The following GRIK5 variants were observed in gnomAD, a reference collection of about 807,000 sequenced individuals.
The protein encoded by GRIK5 is glutamate receptor ionotropic, kainate 5.
GRIK5 carries 43 observed loss-of-function variants against 97.4 expected under a neutral mutation model. The observed-to-expected ratio is 0.44, with a 90% confidence interval of 0.35 to 0.57. The LOEUF (loss-of-function observed/expected upper bound fraction) is 0.57. Among genes scored for constraint, GRIK5 ranks in the 20% least tolerant of loss-of-function variants. The pLI, the probability that GRIK5 is intolerant of heterozygous loss-of-function variation, is 0.01. For synonymous variants in GRIK5, 580 were observed against 583.5 expected, an observed-to-expected ratio of 0.99 and a Z score of 0.09; for missense variants, 1,015 against 1,382.0, an observed-to-expected ratio of 0.73 and a Z score of 4.21.
intron 12 of GRIK5, among the ~76,000 whole-genome samples, chr19:42,040,791 T>G (rs1174422139): frequency 6.6e-6 from 1 of 151,752 alleles, no homozygotes; most frequent in African/African-American, 2.4e-5. Context: ...GAGGTGGAGG[T>G]TGCAGGGAGG....
At position 42,033,335 on chromosome 19, in the gene GRIK5, A is replaced by C. The variant is rs530281381; in HGVS notation, c.1473+9217T>G. Among the ~76,000 whole-genome samples, 22 of 151,948 alleles carry C rather than the reference A, an allele frequency of 1.4e-4. No homozygotes were observed. The East Asian group carries it at 1.7e-3, about 12-fold the overall frequency. On this transcript the variant is annotated intron_variant, in intron 12 of 19. Transcript: ENST00000593562. ...TCCGTCTCAAAAAAAAAAAAAAAAA[A>C]AAAACGGAATGCAGTACTGGTATAT...
In GRIK5 at chr19:42,069,670, C is replaced by T. The variant is rs1018446973; in HGVS notation, c.-480G>A. Among the ~76,000 whole-genome samples the T allele has an allele frequency of 5.7e-5, 7 of 122,830 alleles. No homozygotes were observed. The highest frequency in any genetic ancestry group is 1.2e-4 in the Non-Finnish European group (7 of 60,542). The allele number at this position is 122,830 out of a possible 152,430, so 80.6% of individuals were successfully genotyped here. On this transcript the variant is annotated 5_prime_UTR_variant, in exon 1 of 20. Transcript: ENST00000593562. Reference sequence around the variant, plus strand: ...GCCGGCCTGGGGGGGCCACAGGGGGCGAGGACTGGGTGGAGAAAAGGAAGC... The same window carrying T: ...GCCGGCCTGGGGGGGCCACAGGGGGTGAGGACTGGGTGGAGAAAAGGAAGC...
In GRIK5 at chr19:42,021,894, C is replaced by G. The variant is rs2075702995; in HGVS notation, c.1697+53G>C. 7 of 1,234,796 alleles carry G rather than the reference C, an allele frequency of 5.7e-6. No individual in the cohort carries two copies. In the East Asian group the frequency reaches 1.7e-4, roughly 30 times the overall value. 76.5% of individuals were successfully genotyped at this position (1,234,796 alleles called of 1,614,324 possible). ...AGAAGAGGCAGGTCGGTCCCAGAGG[C>G]CTCGGCTCGTGCCTCCTCCAGCCCC... On this transcript the variant is annotated intron_variant, in intron 14 of 19. Coordinates refer to ENST00000593562, the MANE Select transcript of GRIK5 (RefSeq NM_002088.5). The surrounding 1 kb of genome is among the most constrained non-coding windows in gnomAD (Gnocchi z 4.2).
chr19:42,026,416 CCTGT>C (rs1056961910), intron 12 of GRIK5, among the ~76,000 whole-genome samples: 1 of 151,728 alleles, frequency 6.6e-6, no homozygotes, highest in African/African-American at 2.4e-5. Flanking sequence ...TGCCACCACA[CCTGT>C]CTAATATTTT....
chr19:42,010,983 T>G (rs1331821843), intron 15 of GRIK5, among the ~76,000 whole-genome samples: 1 of 151,904 alleles, frequency 6.6e-6, no homozygotes, highest in East Asian at 2.0e-4. Flanking sequence ...TGTTTCTTAG[T>G]TTTTGTAGAG....
In GRIK5 at chr19:42,002,457, C is replaced by CA. The variant is rs1555871198; in HGVS notation, c.2514+874dup. 1 of 717,610 alleles carries CA rather than the reference C, an allele frequency of 1.4e-6. No individual in the cohort carries two copies. Among genetic ancestry groups the CA allele is most frequent in the Non-Finnish European group, 2.6e-6 (1 of 385,070 alleles). The allele number at this position is 717,610 out of a possible 1,614,324, so 44.5% of individuals were successfully genotyped here. ...AGGCAACCTGGACACGGGTGGAGGG[C>CA]ACCTTTACTAGCAGCATGGACGGCT... On this transcript the variant is annotated intron_variant, in intron 19 of 19. Coordinates refer to ENST00000593562, the MANE Select transcript of GRIK5 (RefSeq NM_002088.5). This position sits in a 1 kb window ranked among gnomAD's most constrained non-coding sequence, Gnocchi z 5.2.
Position 41,998,816 on chromosome 19 carries a change from G to C in GRIK5, c.*55C>G. The stretch of plus-strand genomic sequence containing the variant: ...GCGGGAGCGGAGACTGCTGGGGCCT[G>C]GGGCGGGCCCCGTCCCTTCGGTCAG... On this transcript the variant is annotated 3_prime_UTR_variant, in exon 20 of 20. Coordinates refer to ENST00000593562, the MANE Select transcript of GRIK5 (RefSeq NM_002088.5). 1 of 931,424 alleles carries C rather than the reference G, an allele frequency of 1.1e-6. No homozygotes were observed. 57.7% of individuals were successfully genotyped at this position (931,424 alleles called of 1,614,324 possible).
At chr19:42,005,570 C>T (rs1255687433) in intron 17 of GRIK5, among the ~76,000 whole-genome samples, 153 bp downstream of exon 17, 2 of 152,186 alleles carry the variant, frequency 1.3e-5, no homozygotes, top group Non-Finnish European at 2.9e-5. Context: ...AGGCTCAGGA[C>T]GGTGATGTCG....
At position 42,065,717 on chromosome 19, in the gene GRIK5, G is replaced by C. The variant is rs2146188771; in HGVS notation, c.54C>G (p.Cys18Trp). 3 of 1,596,298 alleles carry C rather than the reference G, an allele frequency of 1.9e-6. No homozygotes were observed. The highest frequency in any genetic ancestry group is 1.7e-6 in the Non-Finnish European group (2 of 1,172,910). ...LLIVAFASPS[C>W]QVLSSLRMAA... ...CCATGCGCAGTGATGAGAGCACCTGGCAGCTGGGGCTGGCGAAGGCAACAA... is the reference window on the plus strand; with the variant it reads ...CCATGCGCAGTGATGAGAGCACCTGCCAGCTGGGGCTGGCGAAGGCAACAA... Residue 18 changes from cysteine to tryptophan, a missense_variant, in exon 2 of 20, where the codon TGC becomes TGG. Cys to Trp is a radical substitution (Grantham distance 215). Around this residue, in one of 5 missense-constraint regions of GRIK5, gnomAD observed 198 missense variants for 218.2 expected, o/e 0.91. Coordinates refer to ENST00000593562, the MANE Select transcript of GRIK5 (RefSeq NM_002088.5). The surrounding 1 kb of genome is among the most constrained non-coding windows in gnomAD (Gnocchi z 5.8).
rs2075497865 is a variant in GRIK5, at chr19:42,006,861, G to GC, written c.1872-52dup. On this transcript the variant is annotated intron_variant, in intron 15 of 19. Transcript: ENST00000593562. The surrounding 1 kb of genome is among the most constrained non-coding windows in gnomAD (Gnocchi z 5.3). ...GGGCTGGAGTCACCCCTGCTGACCT[G>GC]CCCCCGTGGCCATGCCCCCCATTGG... is the stretch of plus-strand genomic sequence containing the variant. 1 of 1,412,882 alleles carries GC rather than the reference G, an allele frequency of 7.1e-7. No homozygotes were observed. Among genetic ancestry groups the GC allele is most frequent in the Non-Finnish European group, 9.5e-7 (1 of 1,047,942 alleles). The allele number at this position is 1,412,882 out of a possible 1,614,324, so 87.5% of individuals were successfully genotyped here. A position where few individuals can be genotyped will look rare whatever the true frequency, so the allele number is the denominator to read the frequency against.
At chr19:42,040,769 G>A (rs1193541167) in intron 12 of GRIK5, among the ~76,000 whole-genome samples, 3 of 152,262 alleles carry the variant, frequency 2.0e-5, no homozygotes, top group Non-Finnish European at 4.4e-5. Context: ...CAGGAGAATC[G>A]CTTGAACCCG....
intron 8 of GRIK5, among the ~76,000 whole-genome samples, 153 bp downstream of exon 8, chr19:42,056,509 G>A (rs556619223): frequency 5.9e-5 from 9 of 152,230 alleles, no homozygotes; most frequent in African/African-American, 2.2e-4. Context: ...AGAGAGAGAG[G>A]AGGACATGGG....
intron 11 of GRIK5, among the ~76,000 whole-genome samples, chr19:42,053,401 A>G (rs1262531063): frequency 2.0e-5 from 3 of 152,206 alleles, no homozygotes; most frequent in Non-Finnish European, 2.9e-5. Context: ...TCTGGCCCTG[A>G]GGGCAGTCTG....
chr19:42,012,450 C>T (rs573933633), intron 15 of GRIK5, among the ~76,000 whole-genome samples: 2 of 152,232 alleles, frequency 1.3e-5, no homozygotes, highest in East Asian at 1.9e-4. Flanking sequence ...GGGGTTTCAC[C>T]TTGTTGCCCA....
chr19:42,034,319 C>A (rs1343412271), intron 12 of GRIK5, among the ~76,000 whole-genome samples: 1 of 151,804 alleles, frequency 6.6e-6, no homozygotes, highest in Non-Finnish European at 1.5e-5. Flanking sequence ...CAAGATGGCA[C>A]CACTGCATTG....
rs1392857438 is a variant in GRIK5, at chr19:41,999,340, C to T, written c.2515-41G>A. The T allele has an allele frequency of 2.8e-6, 4 of 1,426,966 alleles. No individual in the cohort carries two copies. The highest frequency in any genetic ancestry group is 5.8e-5 in the East Asian group (2 of 34,734). 88.4% of individuals were successfully genotyped at this position (1,426,966 alleles called of 1,614,324 possible). A position where few individuals can be genotyped will look rare whatever the true frequency, so the allele number is the denominator to read the frequency against. On this transcript the variant is annotated intron_variant, in intron 19 of 19. Coordinates refer to ENST00000593562, the MANE Select transcript of GRIK5 (RefSeq NM_002088.5). This position sits in a 1 kb window ranked among gnomAD's most constrained non-coding sequence, Gnocchi z 5.0. ...GCGGTCACCGTCCCGGCGCAGTCCGCCTCCCGCCTCCCCCAGCCCCTCTCC... is the reference window on the plus strand; with the variant it reads ...GCGGTCACCGTCCCGGCGCAGTCCGTCTCCCGCCTCCCCCAGCCCCTCTCC...
chr19:41,999,900 A>C lies in GRIK5; in HGVS notation c.2515-601T>G, dbSNP rs1305176416. Among the ~76,000 whole-genome samples, 2 of 152,256 alleles carry C rather than the reference A, an allele frequency of 1.3e-5. No individual in the cohort carries two copies. Among genetic ancestry groups the C allele is most frequent in the Admixed American group, 1.3e-4 (2 of 15,290 alleles). On this transcript the variant is annotated intron_variant, in intron 19 of 19. Transcript: ENST00000593562. The surrounding 1 kb of genome is among the most constrained non-coding windows in gnomAD (Gnocchi z 5.0). ...GTGACGATGAATTCTGAGACAGGAC[A>C]GTCAAGGAAGACCTCACTGAGAGAA... is the stretch of plus-strand genomic sequence containing the variant.
chr19:42,068,446 G>C (rs1005651046), intron 1 of GRIK5: 2 of 319,066 alleles, frequency 6.3e-6, no homozygotes, highest in Admixed American at 1.0e-4. Flanking sequence ...GCCAGGAAAA[G>C]TCAGCATGGA....
In GRIK5 at chr19:42,022,674, T is replaced by C; in HGVS notation, c.1474-320A>G. ...TCCAATTCAAGCAGCAACTTCTCCC[T>C]AGGGCCATAAAAGAGCCAAGGTCCT... is the stretch of plus-strand genomic sequence containing the variant. On this transcript the variant is annotated intron_variant, in intron 12 of 19. Coordinates refer to ENST00000593562, the MANE Select transcript of GRIK5 (RefSeq NM_002088.5). This position sits in a 1 kb window ranked among gnomAD's most constrained non-coding sequence, Gnocchi z 4.2. 1 of 984,760 alleles carries C rather than the reference T, an allele frequency of 1.0e-6. No homozygotes were observed. Among genetic ancestry groups the C allele is most frequent in the Non-Finnish European group, 1.2e-6 (1 of 829,702 alleles). The allele number at this position is 984,760 out of a possible 1,614,324, so 61.0% of individuals were successfully genotyped here.
Sources: gnomAD v4.1 joint callset for allele counts (sites outside exome capture counted in the v4.1 genomes callset) on GRCh38, gnomAD v4.1.1 for gene constraint, gnomAD v4.1.1 regional missense constraint, Gnocchi (gnomAD v3.1) non-coding constraint, MANE v1.5 for transcripts, NCBI Gene and HGNC (gene_info 2026-07-23, HGNC 2026-07-21) for gene names.